SYT9: variants seen among roughly 807,000 people sequenced by gnomAD.
The protein encoded by SYT9 is synaptotagmin-9.
A neutral mutation model predicts 48.4 loss-of-function variants in SYT9; 22 were observed. The ratio of observed to expected loss-of-function variants is 0.45; its 90% CI spans 0.32 to 0.65. SYT9 has a LOEUF of 0.65. Ranked by LOEUF, SYT9 falls within the 30% of genes least tolerant of loss-of-function variation. The pLI is 0.03. For synonymous variants in SYT9, 265 were observed against 245.0 expected (o/e 1.08, Z -0.76); for missense variants, 577 against 622.0 (o/e 0.93, Z 0.77).
intron 3 of SYT9, among the ~76,000 whole-genome samples, chr11:7,381,812 G>A (rs371617291): frequency 6.6e-6 from 1 of 152,110 alleles, no homozygotes; most frequent in Non-Finnish European, 1.5e-5. Flanking sequence ...ATTCTTCTTT[G>A]TGTTATTGTT....
At chr11:7,276,058 G>C (rs749417436) in intron 1 of SYT9, among the ~76,000 whole-genome samples, 1 of 152,196 alleles carries the variant, frequency 6.6e-6, no homozygotes, top group Non-Finnish European at 1.5e-5. Flanking sequence ...TATTAAGTGA[G>C]TGAATACACC....
rs1326911072 is a variant in SYT9 at position 7,313,874 on chromosome 11, A to G, written c.977A>G (p.His326Arg). 1.2e-6 allele frequency: 2 copies of G among 1,614,136 alleles called. No homozygotes were observed. The highest frequency in any genetic ancestry group is 1.7e-6 in the Non-Finnish European group (2 of 1,180,002). The change falls in exon 3 of 7, where the codon CAC becomes CGC. Residue 326 changes from histidine to arginine, a missense_variant. Coordinates refer to ENST00000318881, the MANE Select transcript of SYT9 (RefSeq NM_175733.4). The part of the protein sequence containing the change: ...HDLIGQVVVD[H>R]FLDLADFPRE... ...TTAATCGGCCAAGTGGTGGTGGATC[A>G]CTTCCTAGACTTGGCTGATTTCCCC...
intron 3 of SYT9, among the ~76,000 whole-genome samples, chr11:7,351,501 G>C (rs1849914179): frequency 6.6e-6 from 1 of 152,162 alleles, no homozygotes; most frequent in South Asian, 2.1e-4. Context: ...GCTCCAGACT[G>C]CTCATTCCCT....
At chr11:7,257,405 A>T (rs1847994252) in intron 1 of SYT9, among the ~76,000 whole-genome samples, 1 of 152,274 alleles carries the variant, frequency 6.6e-6, no homozygotes, top group African/African-American at 2.4e-5. Context: ...ATCAAGAAAA[A>T]TCTTGTCTAA....
upstream of SYT9, among the ~76,000 whole-genome samples, chr11:7,251,367 G>C (rs1336939161): frequency 6.6e-6 from 1 of 152,056 alleles, no homozygotes; most frequent in Non-Finnish European, 1.5e-5. Context: ...TTATTTATTT[G>C]ATCTTAGTTC....
chr11:7,267,343 A>G (rs538932315), intron 1 of SYT9, among the ~76,000 whole-genome samples: 4 of 152,140 alleles, frequency 2.6e-5, no homozygotes, highest in African/African-American at 9.6e-5. Context: ...TAATCAGCAC[A>G]TGATTAATTT....
At chr11:7,422,819 G>A (rs892122995) in intron 6 of SYT9, among the ~76,000 whole-genome samples, 1 of 152,150 alleles carries the variant, frequency 6.6e-6, no homozygotes, top group Non-Finnish European at 1.5e-5. Flanking sequence ...GTATATGCAC[G>A]TGTTACACAA....
intron 3 of SYT9, among the ~76,000 whole-genome samples, chr11:7,366,363 C>T (rs1225998396): frequency 2.0e-5 from 3 of 152,188 alleles, no homozygotes; most frequent in African/African-American, 4.8e-5. Flanking sequence ...AATACTTAGA[C>T]ATAAACATAA....
At chr11:7,454,208 A>G (rs1848108339) in intron 6 of SYT9, 1 of 985,116 alleles carries the variant, frequency 1.0e-6, no homozygotes, top group Non-Finnish European at 1.2e-6. Flanking sequence ...ATACTCAAAT[A>G]CCCTGAGTCC....
intron 3 of SYT9, among the ~76,000 whole-genome samples, chr11:7,354,946 C>T (rs1485372887): frequency 6.6e-6 from 1 of 151,928 alleles, no homozygotes; most frequent in Non-Finnish European, 1.5e-5. Flanking sequence ...CTCAGTTTCT[C>T]CTAAAGATAT....
At chr11:7,284,280 A>G (rs965597996) in intron 1 of SYT9, among the ~76,000 whole-genome samples, 16 of 152,178 alleles carry the variant, frequency 1.1e-4, no homozygotes, top group African/African-American at 3.1e-4. Context: ...TTAAACCTGC[A>G]CAGAGCTGAG....
chr11:7,274,969 A>G (rs536771948), intron 1 of SYT9, among the ~76,000 whole-genome samples: 2 of 151,640 alleles, frequency 1.3e-5, no homozygotes, highest in South Asian at 4.2e-4. Flanking sequence ...AGATTTTGGG[A>G]GAGCTTCCTG....
At chr11:7,244,278 T>G (rs1246949038) in intron 1 of SYT9, among the ~76,000 whole-genome samples, 1 of 152,178 alleles carries the variant, frequency 6.6e-6, no homozygotes, top group Non-Finnish European at 1.5e-5. Flanking sequence ...ATCCACACAG[T>G]CCAGGAGAGA....
At chr11:7,431,811 C>T (rs1290328330) in intron 6 of SYT9, among the ~76,000 whole-genome samples, 1 of 152,246 alleles carries the variant, frequency 6.6e-6, no homozygotes, top group Non-Finnish European at 1.5e-5. Context: ...TGGCATTAAG[C>T]CTGCAGGTGC....
intron 3 of SYT9, among the ~76,000 whole-genome samples, chr11:7,375,098 AG>A (rs1267079733): frequency 6.6e-6 from 1 of 152,098 alleles, no homozygotes; most frequent in Non-Finnish European, 1.5e-5. Context: ...TTTTTGTATA[AG>A]GTGTAAGGAA....
intron 6 of SYT9, among the ~76,000 whole-genome samples, chr11:7,432,576 AAAAAAAATATATATACATATATATAT>A (rs1564901996): frequency 0.012 from 149 of 11,982 alleles, 3 homozygotes; most frequent in Middle Eastern, 0.1. Flanking sequence ...AAAAAAAAAA[AAAAAAAATATATATACATATATATAT>A]ATATATATAT....
At chr11:7,316,137 A>G (rs977004153) in intron 3 of SYT9, among the ~76,000 whole-genome samples, 3 of 151,122 alleles carry the variant, frequency 2.0e-5, no homozygotes, top group Non-Finnish European at 4.4e-5. Context: ...ATAATATAGA[A>G]TGTATATAAT....
chr11:7,409,788 A>G (rs1847099065), intron 3 of SYT9, among the ~76,000 whole-genome samples: 1 of 151,468 alleles, frequency 6.6e-6, no homozygotes, highest in Non-Finnish European at 1.5e-5. Flanking sequence ...AATTTTGTTT[A>G]TCTTTTTTTT....
chr11:7,239,628 C>A (rs1428589463), intron 1 of SYT9, among the ~76,000 whole-genome samples: 1 of 152,106 alleles, frequency 6.6e-6, no homozygotes, highest in African/African-American at 2.4e-5. Context: ...ACTGAGTAAG[C>A]AACCAATACA....
Sources: gnomAD v4.1 joint callset for allele counts (sites outside exome capture counted in the v4.1 genomes callset) on GRCh38, gnomAD v4.1.1 for gene constraint, MANE v1.5 for transcripts, NCBI Gene and HGNC (gene_info 2026-07-23, HGNC 2026-07-21) for gene names.